The following NUDCD1 variants were observed in gnomAD, a reference collection of about 807,000 sequenced individuals.
The protein encoded by NUDCD1 is nudC domain-containing protein 1.
NUDCD1 carries 60 observed loss-of-function variants against 67.8 expected under a neutral mutation model. The observed-to-expected ratio is 0.88, with a 90% CI of 0.72 to 1.10. The LOEUF is 1.10. NUDCD1 is among the 50% of genes least tolerant of loss of function. The pLI is 0.00. For missense variants in NUDCD1, 643 were observed against 695.0 expected (o/e 0.93, Z 0.84); for synonymous variants, 244 against 230.8 (o/e 1.06, Z -0.52).
At chr8:109,253,876 T>C (rs1477090243) in intron 8 of NUDCD1, among the ~76,000 whole-genome samples, 1 of 152,060 alleles carries the variant, frequency 6.6e-6, no homozygotes, top group Non-Finnish European at 1.5e-5. Context: ...AACAAAAGGA[T>C]ATTGCATCAT....
chr8:109,251,510 C>G (rs528129149), intron 8 of NUDCD1, among the ~76,000 whole-genome samples: 1 of 152,136 alleles, frequency 6.6e-6, no homozygotes, highest in African/African-American at 2.4e-5. Context: ...AGTAATTTTG[C>G]AGCTTAAAAA....
intron 1 of NUDCD1, among the ~76,000 whole-genome samples, chr8:109,330,583 C>CA (rs2130158981): frequency 6.6e-6 from 1 of 152,320 alleles, no homozygotes; most frequent in South Asian, 2.1e-4. Flanking sequence ...CTGCTGTGTG[C>CA]AGTCATCTCA....
intron 5 of NUDCD1, among the ~76,000 whole-genome samples, chr8:109,284,115 G>A (rs1325595739): frequency 6.6e-6 from 1 of 152,004 alleles, no homozygotes; most frequent in African/African-American, 2.4e-5. Context: ...TATGCAAATG[G>A]AAAACAGAAA....
rs770972189 is a variant in NUDCD1, at chr8:109,281,020, A to G, written c.976T>C (p.Tyr326His). Residue 326 changes from tyrosine to histidine, a missense_variant, in exon 6 of 10, where the codon TAT becomes CAT. Physicochemically the swap from Tyr to His is moderately conservative, Grantham distance 83 (BLOSUM62 2). Transcript: ENST00000239690. ...CTGCTTTCATGATCAATAGATGAAT[A>G]GAGTTTTCCTTCTAAAAACTGGTGA... ...KDHQFLEGKL[Y>H]SSIDHESSTW... 1.2e-5 allele frequency: 20 copies of G among 1,610,172 alleles called. No individual in the cohort carries two copies. The highest frequency in any genetic ancestry group is 1.6e-5 in the Non-Finnish European group (19 of 1,176,616).
intron 2 of NUDCD1, among the ~76,000 whole-genome samples, chr8:109,301,490 G>A (rs1473008643): frequency 6.6e-6 from 1 of 152,182 alleles, no homozygotes; most frequent in African/African-American, 2.4e-5. Context: ...ACACAGATGC[G>A]CCAGACATTT....
chr8:109,244,826 T>C (rs1813457170), intron 9 of NUDCD1, among the ~76,000 whole-genome samples: 1 of 152,188 alleles, frequency 6.6e-6, no homozygotes, highest in Non-Finnish European at 1.5e-5. Context: ...CAAATAAATT[T>C]AATTTCTGCT....
At chr8:109,311,898 G>A (rs1386751959) in intron 2 of NUDCD1, among the ~76,000 whole-genome samples, 2 of 151,944 alleles carry the variant, frequency 1.3e-5, no homozygotes, top group Non-Finnish European at 2.9e-5. Context: ...ACTTACTCCT[G>A]TAACCAAACA....
Position 109,289,773 on chromosome 8 carries a change from T to C in NUDCD1, c.801A>G (p.Glu267=). ...AGQDLEENMD[E]DISEKIKEPL... ...TACCTTTGATTTTCTCTGATATGTC[T>C]TCATCCATATTTTCTTCAAGATCTT... The change falls in exon 5 of 10, where the codon GAA becomes GAG. Residue 267 remains glutamate (E), a synonymous_variant. Coordinates refer to ENST00000239690, the MANE Select transcript of NUDCD1 (RefSeq NM_032869.4). The C allele has an allele frequency of 6.6e-7, 1 of 1,525,776 alleles. No homozygotes were observed. The highest frequency in any genetic ancestry group is 9.0e-7 in the Non-Finnish European group (1 of 1,110,148). 94.5% of individuals were successfully genotyped at this position (1,525,776 alleles called of 1,614,324 possible).
chr8:109,320,328 C>T (rs1209540026), intron 2 of NUDCD1, among the ~76,000 whole-genome samples: 2 of 152,136 alleles, frequency 1.3e-5, no homozygotes, highest in Non-Finnish European at 2.9e-5. Context: ...GTTCAGAGAC[C>T]CACCCCCAGG....
intron 2 of NUDCD1, among the ~76,000 whole-genome samples, chr8:109,304,072 C>G (rs1413731852): frequency 6.6e-6 from 1 of 152,084 alleles, no homozygotes; most frequent in Non-Finnish European, 1.5e-5. Flanking sequence ...AATCCTTTCC[C>G]CACTCCCCTT....
At chr8:109,282,070 G>A (rs1451612322) in intron 5 of NUDCD1, among the ~76,000 whole-genome samples, 1 of 152,096 alleles carries the variant, frequency 6.6e-6, no homozygotes, top group East Asian at 1.9e-4. Flanking sequence ...TATGCCTCTG[G>A]GCATTTAGTG....
chr8:109,298,241 T>C (rs1392032308), intron 2 of NUDCD1, among the ~76,000 whole-genome samples: 1 of 152,170 alleles, frequency 6.6e-6, no homozygotes, highest in Non-Finnish European at 1.5e-5. Context: ...AGCCTATTAG[T>C]AGTAAACATC....
intron 2 of NUDCD1, chr8:109,313,902 C>T (rs998475401): frequency 7.8e-5 from 54 of 694,206 alleles, no homozygotes; most frequent in Non-Finnish European, 1.2e-4. Flanking sequence ...AATGTGAAAA[C>T]AAAATTAAAT....
rs1814141194 is a variant in NUDCD1 at position 109,270,991 on chromosome 8, T to C, written c.1299+14A>G. ...ACTGACAAAATTTTAGAAATATTAA[T>C]ATCAGTAACTTACCACATGAGTAGT... is the stretch of plus-strand genomic sequence containing the variant. On this transcript the variant is annotated intron_variant, in intron 8 of 9. Transcript: ENST00000239690. 5 of 1,534,582 alleles carry C rather than the reference T, an allele frequency of 3.3e-6. No individual in the cohort carries two copies. Among genetic ancestry groups the C allele is most frequent in the Admixed American group, 2.0e-5 (1 of 50,074 alleles).
chr8:109,325,532 T>TA lies in NUDCD1; in HGVS notation c.119-3070dup, dbSNP rs138520300. 7.3e-3 allele frequency among the ~76,000 whole-genome samples: 1,113 copies of TA among 152,318 alleles called. 20 individuals are homozygous for TA. The highest frequency in any genetic ancestry group is 0.026 in the African/African-American group (1,072 of 41,564). ...CTATATACATGCATACCCACTCCTCTACTTTTCCAGACAGAAGGAAAATCT... is the reference window on the plus strand; with the variant it reads ...CTATATACATGCATACCCACTCCTCTAACTTTTCCAGACAGAAGGAAAATCT... On this transcript the variant is annotated intron_variant, in intron 1 of 9. Transcript: ENST00000239690.
intron 8 of NUDCD1, among the ~76,000 whole-genome samples, chr8:109,270,068 G>A (rs867438316): frequency 4.7e-5 from 2 of 42,946 alleles, no homozygotes; most frequent in Non-Finnish European, 9.1e-5. Context: ...TGGCGGGGGC[G>A]GGGGGGGGGG....
intron 6 of NUDCD1, among the ~76,000 whole-genome samples, chr8:109,276,025 A>G (rs1416598810): frequency 2.0e-5 from 3 of 152,240 alleles, no homozygotes; most frequent in Non-Finnish European, 4.4e-5. Context: ...TTTAAAATAC[A>G]GATGTTAAAT....
chr8:109,329,967 T>C (rs1815768872), intron 1 of NUDCD1: 12 of 1,349,278 alleles, frequency 8.9e-6, no homozygotes, highest in Non-Finnish European at 1.2e-5. Context: ...ACAGATTCTA[T>C]AGTGTAGATT....
chr8:109,296,361 A>G (rs376219896), intron 3 of NUDCD1, 23 bp downstream of exon 3: 45 of 1,597,262 alleles, frequency 2.8e-5, no homozygotes, highest in African/African-American at 2.4e-4. Flanking sequence ...TGGACTTCGC[A>G]TAAGTCTTAA....
Sources: gnomAD v4.1 joint callset for allele counts (sites outside exome capture counted in the v4.1 genomes callset) on GRCh38, gnomAD v4.1.1 for gene constraint, MANE v1.5 for transcripts, NCBI Gene and HGNC (gene_info 2026-07-23, HGNC 2026-07-21) for gene names.